The following HEMK2 variants were observed in gnomAD, a reference collection of about 807,000 sequenced individuals.
HEMK2 encodes HemK methyltransferase 2, ETF1 glutamine and histone H4 lysine, also known as methyltransferase HEMK2.
At chr21:28,869,328 T>G in the HEMK2 span, among the ~76,000 whole-genome samples, 1 of 152,196 alleles carries the variant, frequency 6.6e-6, no homozygotes, top group African/African-American at 2.4e-5. Context: ...TTGGTCACAG[T>G]GTATCATCTG....
chr21:28,629,460 C>G, the HEMK2 span, among the ~76,000 whole-genome samples: 1 of 152,152 alleles, frequency 6.6e-6, no homozygotes. Context: ...CCAAAATAGC[C>G]AGAATGTGCA....
At chr21:28,784,678 A>G in the HEMK2 span, among the ~76,000 whole-genome samples, 1 of 152,206 alleles carries the variant, frequency 6.6e-6, no homozygotes, top group Non-Finnish European at 1.5e-5. Context: ...TCTAGTGGGG[A>G]CTTAGAGAAC....
chr21:28,777,656 A>T, the HEMK2 span, among the ~76,000 whole-genome samples: 1 of 152,198 alleles, frequency 6.6e-6, no homozygotes, highest in Non-Finnish European at 1.5e-5. Flanking sequence ...CAGCAGAATT[A>T]AAGAACACGT....
the HEMK2 span, among the ~76,000 whole-genome samples, chr21:28,838,972 A>AT: frequency 3.4e-5 from 1 of 29,156 alleles, no homozygotes; most frequent in African/African-American, 1.9e-4. Flanking sequence ...AAAAAAAAAA[A>AT]ATATATATAT....
At chr21:28,639,463 C>T in the HEMK2 span, among the ~76,000 whole-genome samples, 6 of 152,024 alleles carry the variant, frequency 3.9e-5, no homozygotes, top group Non-Finnish European at 5.9e-5. Flanking sequence ...ACAAGGTACA[C>T]AGGAAATCAG....
the HEMK2 span, among the ~76,000 whole-genome samples, chr21:28,831,462 C>CGAAAGAAAGAAAGAAAGAAAGAAAGAAA: frequency 1.3e-3 from 30 of 23,650 alleles, no homozygotes; most frequent in Non-Finnish European, 1.8e-3. Flanking sequence ...AAGAAAAGAA[C>CGAAAGAAAGAAAGAAAGAAAGAAAGAAA]GAAAGAAAGA....
the HEMK2 span, among the ~76,000 whole-genome samples, chr21:28,744,884 T>C: frequency 0.23 from 34,809 of 150,090 alleles, 4,627 homozygotes; most frequent in African/African-American, 0.35. Flanking sequence ...CCAAACACTT[T>C]TATGGGGTTT....
chr21:28,694,179 C>T, the HEMK2 span, among the ~76,000 whole-genome samples: 2 of 152,172 alleles, frequency 1.3e-5, no homozygotes, highest in African/African-American at 4.8e-5. Flanking sequence ...GGCATTCATA[C>T]CAAGTACACT....
At chr21:28,791,478 G>T in the HEMK2 span, among the ~76,000 whole-genome samples, 62 of 152,270 alleles carry the variant, frequency 4.1e-4, no homozygotes, top group Middle Eastern at 0.014. Context: ...TCAAAAAAAG[G>T]GTGAGAGAGT....
the HEMK2 span, among the ~76,000 whole-genome samples, chr21:28,710,850 C>A: frequency 7.2e-5 from 11 of 151,984 alleles, no homozygotes; most frequent in Non-Finnish European, 1.6e-4. Context: ...AATGAAGATC[C>A]CACCCAAATT....
the HEMK2 span, among the ~76,000 whole-genome samples, chr21:28,827,474 C>A: frequency 3.3e-5 from 5 of 152,180 alleles, no homozygotes; most frequent in East Asian, 9.6e-4. Flanking sequence ...TTTAGTGATA[C>A]CTACTATGTG....
the HEMK2 span, among the ~76,000 whole-genome samples, chr21:28,850,636 C>T: frequency 3.2e-4 from 48 of 152,164 alleles, no homozygotes; most frequent in Admixed American, 2.7e-3. Context: ...TACCACCAGA[C>T]CTGCCTTACA....
At chr21:28,580,178 C>G in the HEMK2 span, among the ~76,000 whole-genome samples, 1 of 152,132 alleles carries the variant, frequency 6.6e-6, no homozygotes, top group African/African-American at 2.4e-5. Context: ...GAAGCAGTGT[C>G]TGTAGGCAGC....
chr21:28,789,873 A>ATCAC, the HEMK2 span, among the ~76,000 whole-genome samples: 16 of 152,072 alleles, frequency 1.1e-4, no homozygotes, highest in East Asian at 3.9e-4. Context: ...CCAGACTAAA[A>ATCAC]TCACTCACTC....
At chr21:28,880,698 G>A in the HEMK2 span, among the ~76,000 whole-genome samples, 1 of 150,972 alleles carries the variant, frequency 6.6e-6, no homozygotes, top group Non-Finnish European at 1.5e-5. Context: ...AGCCAAGATT[G>A]CGCCACTACA....
the HEMK2 span, among the ~76,000 whole-genome samples, chr21:28,859,669 G>A: frequency 2.0e-5 from 3 of 152,018 alleles, no homozygotes; most frequent in Admixed American, 6.5e-5. Context: ...TGATAGTTAT[G>A]GGGACCTCAG....
chr21:28,637,236 T>C, the HEMK2 span, among the ~76,000 whole-genome samples: 1 of 152,214 alleles, frequency 6.6e-6, no homozygotes, highest in Non-Finnish European at 1.5e-5. Context: ...TTATTCATCA[T>C]TGTATGATAT....
chr21:28,879,576 G>A, the HEMK2 span, among the ~76,000 whole-genome samples: 1 of 152,126 alleles, frequency 6.6e-6, no homozygotes, highest in Non-Finnish European at 1.5e-5. Flanking sequence ...TTTTATTCAT[G>A]ATAAAGGATA....
chr21:28,881,137 C>T, the HEMK2 span, among the ~76,000 whole-genome samples: 1 of 152,172 alleles, frequency 6.6e-6, no homozygotes, highest in Non-Finnish European at 1.5e-5. Context: ...GTGCTGTTAA[C>T]TTCTTAAAAC....
Sources: gnomAD v4.1 joint callset for allele counts (sites outside exome capture counted in the v4.1 genomes callset) on GRCh38, gnomAD v4.1.1 for gene constraint, MANE v1.5 for transcripts, NCBI Gene and HGNC (gene_info 2026-07-23, HGNC 2026-07-21) for gene names.